RPGRIP1L: variants seen among roughly 807,000 people sequenced by gnomAD.
RPGRIP1L encodes RPGRIP1 like.
Under a neutral mutation model 160.4 loss-of-function variants are expected in RPGRIP1L, and 131 were observed. That is an observed-to-expected ratio of 0.82 (90% CI 0.71 to 0.94). RPGRIP1L has a LOEUF of 0.94. Ranked by LOEUF, RPGRIP1L falls within the 40% of genes least tolerant of loss-of-function variation. The probability of loss-of-function intolerance (pLI) is 0.00; values close to 1 mark genes in which losing one functional copy is unlikely to be tolerated. For missense variants in RPGRIP1L, 1,522 were observed against 1,535.8 expected (o/e 0.99, Z 0.15); for synonymous variants, 510 against 515.8 (o/e 0.99, Z 0.15).
At chr16:53,613,846 C>A (rs553497753) in intron 24 of RPGRIP1L, among the ~76,000 whole-genome samples, 56 of 152,260 alleles carry the variant, frequency 3.7e-4, no homozygotes, top group African/African-American at 1.1e-3. Context: ...GTACCTGACC[C>A]ACATTTTACA....
In RPGRIP1L at chr16:53,613,680, G is replaced by A. The variant is rs180777476; in HGVS notation, c.3617-2629C>T. 9.4e-4 allele frequency among the ~76,000 whole-genome samples: 143 copies of A among 152,194 alleles called. 1 individual carries two copies. Among genetic ancestry groups the A allele is most frequent in the Admixed American group, 3.9e-3 (59 of 15,296 alleles). ...GAAATTGGTTTTAAAAAGTGGTGTC[G>A]TTGGGGATTCCCTGTGCTTCTGCTT... is the stretch of plus-strand genomic sequence containing the variant. On this transcript the variant is annotated intron_variant, in intron 24 of 26. Transcript: ENST00000647211.
chr16:53,658,686 C>A lies in RPGRIP1L; in HGVS notation c.1350+86G>T. 4 of 949,882 alleles carry A rather than the reference C, an allele frequency of 4.2e-6. No homozygotes were observed. In the Admixed American group the frequency reaches 6.2e-5, roughly 15 times the overall value. 58.8% of individuals were successfully genotyped at this position (949,882 alleles called of 1,614,324 possible). Reference sequence around the variant, plus strand: ...AGTAATTAATATATCTGTATGCTTTCGCTTTGTAGTATAGTGCTTTCTCTA... The same window carrying A: ...AGTAATTAATATATCTGTATGCTTTAGCTTTGTAGTATAGTGCTTTCTCTA... On this transcript the variant is annotated intron_variant, in intron 11 of 26. Transcript: ENST00000647211.
chr16:53,670,406 T>C (rs377710131), intron 9 of RPGRIP1L, among the ~76,000 whole-genome samples: 24 of 152,274 alleles, frequency 1.6e-4, no homozygotes, highest in African/African-American at 5.3e-4. Context: ...TTTAAGTATA[T>C]ATTACATTTG....
In RPGRIP1L at chr16:53,645,797, C is replaced by T; in HGVS notation, c.2511G>A (p.Gln837=). 6.2e-7 allele frequency: 1 copy of T among 1,614,070 alleles called. No homozygotes were observed. The highest frequency in any genetic ancestry group is 8.5e-7 in the Non-Finnish European group (1 of 1,179,950). Residue 837 remains glutamine, a synonymous_variant, in exon 17 of 27, where the codon CAG becomes CAA. Transcript: ENST00000647211. ...CTGGGAAATACATATGATCATCAAACTGTGGATCATTGCTACTGGGAATGA... is the reference window on the plus strand; with the variant it reads ...CTGGGAAATACATATGATCATCAAATTGTGGATCATTGCTACTGGGAATGA... The part of the protein sequence containing the change: ...TAIIPSSNDP[Q]FDDHMYFPVP...
intron 22 of RPGRIP1L, among the ~76,000 whole-genome samples, chr16:53,623,163 G>A: frequency 6.6e-6 from 1 of 152,158 alleles, no homozygotes; most frequent in East Asian, 1.9e-4. Flanking sequence ...AAGTTCTCAT[G>A]GGGGTAACTA....
chr16:53,655,245 A>AT (rs200817086), intron 14 of RPGRIP1L, among the ~76,000 whole-genome samples: 2,582 of 152,278 alleles, frequency 0.017, 46 homozygotes, highest in South Asian at 0.058. Flanking sequence ...TTCTTGAAGT[A>AT]TTTTTTTGTT....
intron 10 of RPGRIP1L, among the ~76,000 whole-genome samples, chr16:53,664,552 C>T (rs778479888): frequency 2.6e-5 from 4 of 152,104 alleles, no homozygotes; most frequent in Non-Finnish European, 4.4e-5. Context: ...TAGAACAGTA[C>T]CTAGCACTAA....
intron 2 of RPGRIP1L, 38 bp from the exon 3 acceptor site, chr16:53,696,333 T>G (rs1472773412): frequency 4.4e-6 from 7 of 1,605,640 alleles, no homozygotes; most frequent in African/African-American, 1.3e-5. Context: ...TGAGGTTACT[T>G]AAAATAGTCT....
At chr16:53,657,194 T>C (rs1967331601) in intron 13 of RPGRIP1L, among the ~76,000 whole-genome samples, 1 of 151,900 alleles carries the variant, frequency 6.6e-6, no homozygotes, top group Non-Finnish European at 1.5e-5. Context: ...GAGCCACGAT[T>C]GCGCCACTGG....
intron 6 of RPGRIP1L, among the ~76,000 whole-genome samples, chr16:53,684,406 T>C (rs894346292): frequency 6.6e-6 from 1 of 152,172 alleles, no homozygotes; most frequent in Non-Finnish European, 1.5e-5. Context: ...TGGAATACTA[T>C]GCAGCCTTAA....
intron 24 of RPGRIP1L, 140 bp downstream of exon 24, chr16:53,618,884 CT>C (rs960833629): frequency 6.4e-6 from 5 of 783,264 alleles, no homozygotes; most frequent in Admixed American, 2.5e-5. Flanking sequence ...ACTGGTTTGA[CT>C]TTTATTAATC....
At chr16:53,636,406 C>T (rs1369621250) in intron 22 of RPGRIP1L, 33 bp downstream of exon 22, 2 of 1,446,200 alleles carry the variant, frequency 1.4e-6, no homozygotes, top group African/African-American at 2.8e-5. Flanking sequence ...AGCCTTATTT[C>T]AGAACATTTC....
chr16:53,663,525 C>T (rs1252480706), intron 10 of RPGRIP1L, among the ~76,000 whole-genome samples: 2 of 152,002 alleles, frequency 1.3e-5, no homozygotes, highest in Non-Finnish European at 2.9e-5. Flanking sequence ...AGAGCACTTC[C>T]ACATTTTTAC....
At chr16:53,660,841 C>T (rs62050414) in intron 10 of RPGRIP1L, among the ~76,000 whole-genome samples, 8,574 of 148,924 alleles carry the variant, frequency 0.058, 419 homozygotes, top group African/African-American at 0.13. Flanking sequence ...TGCTGTGAGC[C>T]GAGATTGCGC....
At chr16:53,638,247 A>G in intron 20 of RPGRIP1L, 63 bp downstream of exon 20, 1 of 986,038 alleles carries the variant, frequency 1.0e-6, no homozygotes, top group South Asian at 1.3e-5. Context: ...GTCAAAACTT[A>G]TAAGACAAAG....
intron 24 of RPGRIP1L, among the ~76,000 whole-genome samples, chr16:53,612,039 G>T (rs1964080570): frequency 1.3e-5 from 2 of 152,198 alleles, no homozygotes; most frequent in South Asian, 4.1e-4. Context: ...AACAATTTTA[G>T]TTCAATTCCA....
At chr16:53,700,245 G>T (rs1484940283) in intron 2 of RPGRIP1L, among the ~76,000 whole-genome samples, 1 of 152,162 alleles carries the variant, frequency 6.6e-6, no homozygotes, top group South Asian at 2.1e-4. Flanking sequence ...CCACTTAAAA[G>T]GCAAAACACT....
chr16:53,657,180 C>T (rs1967329442), intron 13 of RPGRIP1L, among the ~76,000 whole-genome samples: 1 of 151,934 alleles, frequency 6.6e-6, no homozygotes, highest in Non-Finnish European at 1.5e-5. Flanking sequence ...GCGGAGGTTG[C>T]AGTGAGCCAC....
chr16:53,649,008 C>T lies in RPGRIP1L; in HGVS notation c.2260G>A (p.Gly754Arg), dbSNP rs763005144. ...CCCTTAAAATTTGATGTTATATACC[C>T]CAAAGCCTTTGCCCTTTCTCGATAA... ...RLYRERAKAL[G>R]YITSNFKGPE... is the part of the protein sequence containing the mutation. Residue 754 changes from glycine (G) to arginine (R), a missense_variant, in exon 16 of 27, where the codon GGG becomes AGG. By Grantham distance (125) the Gly-to-Arg change is moderately radical (BLOSUM62 -2). Coordinates refer to ENST00000647211, the MANE Select transcript of RPGRIP1L (RefSeq NM_015272.5). 1 of 1,613,884 alleles carries T rather than the reference C, an allele frequency of 6.2e-7. No individual in the cohort carries two copies. The highest frequency in any genetic ancestry group is 8.5e-7 in the Non-Finnish European group (1 of 1,179,920).
Sources: allele counts gnomAD v4.1 joint callset (sites outside exome capture counted in the v4.1 genomes callset), GRCh38; gene constraint gnomAD v4.1.1; transcripts MANE v1.5; gene names NCBI Gene and HGNC (gene_info 2026-07-23, HGNC 2026-07-21).